Variants in CHD1 observed in about 807,000 individuals in gnomAD.
CHD1 encodes ATP-dependent chromatin remodeler CHD1.
CHD1 carries 36 observed loss-of-function variants against 224.2 expected under a neutral mutation model. The ratio of observed to expected loss-of-function variants is 0.16; its 90% CI spans 0.12 to 0.21. The LOEUF (loss-of-function observed/expected upper bound fraction) is 0.21. Among genes scored for constraint, CHD1 ranks in the 10% least tolerant of loss-of-function variants. The probability of loss-of-function intolerance (pLI) is 1.00; values close to 1 mark genes in which losing one functional copy is unlikely to be tolerated. For synonymous variants in CHD1, 668 were observed against 658.3 expected (o/e 1.01, Z -0.23); for missense variants, 1,378 against 1,994.8 (o/e 0.69, Z 5.89).
chr5:98,873,169 T>C (rs1749486704), intron 26 of CHD1, among the ~76,000 whole-genome samples: 2 of 152,092 alleles, frequency 1.3e-5, no homozygotes, highest in Non-Finnish European at 2.9e-5. Context: ...TTCAGGTAAA[T>C]GAACAGCAAA....
intron 35 of CHD1, 116 bp downstream of exon 35, chr5:98,858,064 C>T (rs1165273684): frequency 9.6e-6 from 7 of 732,650 alleles, no homozygotes; most frequent in South Asian, 5.5e-5. Context: ...CTTTATTTCA[C>T]AAGATTTGTT....
At chr5:98,928,381 G>C (rs1342409598) in intron 1 of CHD1, among the ~76,000 whole-genome samples, 158 bp downstream of exon 1, 1 of 152,004 alleles carries the variant, frequency 6.6e-6, no homozygotes, top group African/African-American at 2.4e-5. Flanking sequence ...CGCCCCCTGC[G>C]CGCCAGGCCC....
In CHD1 at chr5:98,872,538, C is replaced by T. The variant is rs753492281; in HGVS notation, c.3589G>A (p.Val1197Met). The change falls in exon 27 of 36, where the codon GTG (valine) becomes ATG (methionine). Residue 1197 changes from valine (V) to methionine (M), a missense_variant. This residue lies in a region of CHD1 where 286 missense variants were observed against 445.1 expected (regional missense o/e 0.64). Transcript: ENST00000614616. ...TERTGGRLGK[V>M]KGPTFRISGV... ...GATATTCGGAATGTTGGACCCTTCA[C>T]TTTTCCGAGTCTACCACCTTGATTT... The T allele has an allele frequency of 4.9e-5, 79 of 1,613,080 alleles. No homozygotes were observed. The highest frequency in any genetic ancestry group is 6.3e-5 in the Non-Finnish European group (74 of 1,179,748).
intron 2 of CHD1, among the ~76,000 whole-genome samples, chr5:98,907,565 G>T (rs1752123278): frequency 8.4e-6 from 1 of 119,428 alleles, no homozygotes; most frequent in Non-Finnish European, 1.6e-5. Context: ...TCCAGCCTGG[G>T]CAACAAGAGC....
In CHD1 at chr5:98,901,318, G is replaced by T. The variant is rs1204497880; in HGVS notation, c.455C>A (p.Ser152Tyr). ...AGACTGAGATGGAGATCCTGACCCA[G>T]ACATTTGCCAATCTTCACTGCAGAC... ...KKHKDEDWQM[S>Y]GSGSPSQSGS... is the part of the protein sequence containing the mutation. The change falls in exon 6 of 36, where the codon TCT becomes TAT. Residue 152 changes from serine (S) to tyrosine (Y), a missense_variant. By Grantham distance (144) the Ser-to-Tyr change is moderately radical. Coordinates refer to ENST00000614616, the MANE Select transcript of CHD1 (RefSeq NM_001270.4). 1 of 1,606,004 alleles carries T rather than the reference G, an allele frequency of 6.2e-7. No homozygotes were observed.
chr5:98,868,331 G>GAAAAAAAAAAAAAAAAAAA (rs58475767), intron 31 of CHD1, among the ~76,000 whole-genome samples, 164 bp downstream of exon 31: 2 of 91,686 alleles, frequency 2.2e-5, no homozygotes, highest in Non-Finnish European at 4.5e-5. Context: ...ACTCAAAAAA[G>GAAAAAAAAAAAAAAAAAAA]AAAAAAAAAA....
At chr5:98,873,091 G>C (rs1323021703) in intron 26 of CHD1, among the ~76,000 whole-genome samples, 2 of 152,126 alleles carry the variant, frequency 1.3e-5, no homozygotes, top group Non-Finnish European at 2.9e-5. Context: ...GCCTCCAAAA[G>C]TGCTAGGATT....
At chr5:98,867,366 T>A (rs1748956265) in intron 31 of CHD1, among the ~76,000 whole-genome samples, 1 of 152,210 alleles carries the variant, frequency 6.6e-6, no homozygotes, top group Non-Finnish European at 1.5e-5. Context: ...AACTCATAAT[T>A]TGACAATGCA....
chr5:98,862,020 G>C (rs1463560247), intron 32 of CHD1, among the ~76,000 whole-genome samples: 1 of 152,070 alleles, frequency 6.6e-6, no homozygotes, highest in Admixed American at 6.6e-5. Context: ...AGCCAGGCCT[G>C]GTAGCGTGGG....
chr5:98,910,693 A>T (rs901362945), intron 2 of CHD1, among the ~76,000 whole-genome samples: 1 of 152,152 alleles, frequency 6.6e-6, no homozygotes, highest in African/African-American at 2.4e-5. Context: ...AATCATTAAC[A>T]TATTTTACAC....
intron 24 of CHD1, 84 bp downstream of exon 24, chr5:98,876,314 A>G: frequency 1.4e-6 from 2 of 1,389,442 alleles, no homozygotes; most frequent in Non-Finnish European, 2.0e-6. Flanking sequence ...CTTCATCACA[A>G]TTTTTGAAAA....
At chr5:98,857,695 A>G (rs986970256) in intron 35 of CHD1, among the ~76,000 whole-genome samples, 1 of 152,114 alleles carries the variant, frequency 6.6e-6, no homozygotes, top group East Asian at 1.9e-4. Flanking sequence ...AAAAAACAAT[A>G]AACAAAAAAC....
chr5:98,890,037 C>T (rs920733322), intron 15 of CHD1, among the ~76,000 whole-genome samples: 4 of 152,162 alleles, frequency 2.6e-5, no homozygotes, highest in Non-Finnish European at 5.9e-5. Flanking sequence ...TGTAACAACA[C>T]TGTCGACTAC....
chr5:98,873,220 CAT>C (rs1373296319), intron 26 of CHD1, among the ~76,000 whole-genome samples: 7 of 152,182 alleles, frequency 4.6e-5, no homozygotes, highest in South Asian at 2.1e-4. Context: ...AAACCAATAT[CAT>C]ATGTGTATAT....
At chr5:98,917,179 C>T (rs985680832) in intron 2 of CHD1, among the ~76,000 whole-genome samples, 10 of 151,836 alleles carry the variant, frequency 6.6e-5, no homozygotes, top group Non-Finnish European at 1.5e-4. Context: ...AATCACTCTG[C>T]TTTTTGCTTA....
chr5:98,873,839 T>C, intron 25 of CHD1, 116 bp from the exon 26 acceptor site: 1 of 844,318 alleles, frequency 1.2e-6, no homozygotes, highest in Non-Finnish European at 1.7e-6. Flanking sequence ...GCTCTATATA[T>C]TCTTGTTCAC....
intron 17 of CHD1, 70 bp downstream of exon 17, chr5:98,888,017 TC>T: frequency 1.0e-6 from 1 of 985,582 alleles, no homozygotes. Context: ...TAAAATAATT[TC>T]AGTTAATTCT....
At chr5:98,903,199 C>T (rs1561531331) in intron 4 of CHD1, among the ~76,000 whole-genome samples, 1 of 152,072 alleles carries the variant, frequency 6.6e-6, no homozygotes, top group Non-Finnish European at 1.5e-5. Flanking sequence ...TGTATGAAAC[C>T]TTAAAATCTA....
At position 98,869,917 on chromosome 5, in the gene CHD1, C is replaced by T. The variant is rs116998844; in HGVS notation, c.3979-35G>A. 1.9e-4 allele frequency: 292 copies of T among 1,514,218 alleles called. No individual in the cohort carries two copies. The East Asian group carries it at 5.8e-3, about 30-fold the overall frequency. The allele number at this position is 1,514,218 out of a possible 1,614,324, so 93.8% of individuals were successfully genotyped here. On this transcript the variant is annotated intron_variant, in intron 29 of 35. Transcript: ENST00000614616. ...ATTATTTTAATTTTAACCAATTCTA[C>T]AGATTTCATTTTTAAAAACTTCATA...
Sources: gnomAD v4.1 joint callset for allele counts (sites outside exome capture counted in the v4.1 genomes callset) on GRCh38, gnomAD v4.1.1 for gene constraint, gnomAD v4.1.1 regional missense constraint, MANE v1.5 for transcripts, NCBI Gene and HGNC (gene_info 2026-07-23, HGNC 2026-07-21) for gene names.